Variants in PPP2R5E observed in about 807,000 individuals in gnomAD.
The protein encoded by PPP2R5E is serine/threonine-protein phosphatase 2A 56 kDa regulatory subunit epsilon isoform.
In PPP2R5E, 4 loss-of-function variants were observed where a neutral mutation model predicts 65.3. The observed-to-expected ratio is 0.06, with a 90% CI of 0.03 to 0.14. The LOEUF (loss-of-function observed/expected upper bound fraction) is 0.14, where lower values mean the gene tolerates loss of function less well. PPP2R5E is among the 10% of genes least tolerant of loss of function. The pLI, the probability that PPP2R5E is intolerant of heterozygous loss-of-function variation, is 1.00. For missense variants in PPP2R5E, 274 were observed against 556.1 expected (o/e 0.49, Z 5.10); for synonymous variants, 183 against 187.4 (o/e 0.98, Z 0.19).
intron 2 of PPP2R5E, among the ~76,000 whole-genome samples, chr14:63,522,271 A>G (rs1892948439): frequency 6.6e-6 from 1 of 152,006 alleles, no homozygotes; most frequent in Non-Finnish European, 1.5e-5. Context: ...GCTGGAGTGC[A>G]GTGGCGTGAT....
At position 63,375,875 on chromosome 14, in the gene PPP2R5E, T is replaced by A; in HGVS notation, c.*134A>T. On this transcript the variant is annotated 3_prime_UTR_variant, in exon 14 of 14. Coordinates refer to ENST00000337537, the MANE Select transcript of PPP2R5E (RefSeq NM_006246.5). Reference sequence around the variant, plus strand: ...TTTCCTTTACTTAGAGACAGGTATATACAGTGCTGCTGTAATAATGAAACA... The same window carrying A: ...TTTCCTTTACTTAGAGACAGGTATAAACAGTGCTGCTGTAATAATGAAACA... 1 of 652,790 alleles carries A rather than the reference T, an allele frequency of 1.5e-6. No individual in the cohort carries two copies. 40.4% of individuals were successfully genotyped at this position (652,790 alleles called of 1,614,324 possible). A position where few individuals can be genotyped will look rare whatever the true frequency, so the allele number is the denominator to read the frequency against.
intron 2 of PPP2R5E, among the ~76,000 whole-genome samples, chr14:63,493,443 C>A (rs1347777413): frequency 6.8e-6 from 1 of 147,334 alleles, no homozygotes; most frequent in African/African-American, 2.6e-5. Context: ...TCAAGTGTCA[C>A]AACCAGGTCT....
Position 63,516,198 on chromosome 14 carries a change from G to T in PPP2R5E, c.157+23331C>A, listed in dbSNP as rs115171600. ...CTTATGAAAGGAAAATTCCACAAGG[G>T]TGAATACATTTTCTTATCTCAACAG... On this transcript the variant is annotated intron_variant, in intron 2 of 13. Coordinates refer to ENST00000337537, the MANE Select transcript of PPP2R5E (RefSeq NM_006246.5). Among the ~76,000 whole-genome samples, 1,256 of 152,178 alleles carry T rather than the reference G, an allele frequency of 8.3e-3. 14 individuals are homozygous for T. The highest frequency in any genetic ancestry group is 0.031 in the Middle Eastern group (9 of 294).
chr14:63,505,955 A>T (rs145703998), intron 2 of PPP2R5E, among the ~76,000 whole-genome samples: 1 of 152,192 alleles, frequency 6.6e-6, no homozygotes, highest in Non-Finnish European at 1.5e-5. Context: ...AACGTTGTGT[A>T]AAGTCAGGCA....
intron 5 of PPP2R5E, among the ~76,000 whole-genome samples, chr14:63,404,547 T>C (rs926416753): frequency 6.6e-6 from 1 of 152,122 alleles, no homozygotes; most frequent in African/African-American, 2.4e-5. Flanking sequence ...ATGCACTGTA[T>C]AAAATGAAGC....
In PPP2R5E at chr14:63,382,087, G is replaced by A. The variant is rs768769396; in HGVS notation, c.1273C>T (p.Leu425=). 3 of 1,613,570 alleles carry A rather than the reference G, an allele frequency of 1.9e-6. No individual in the cohort carries two copies. The highest frequency in any genetic ancestry group is 4.5e-5 in the East Asian group (2 of 44,862). The change falls in exon 13 of 14, where the codon CTG becomes TTG. Residue 425 remains leucine (L), a synonymous_variant. Coordinates refer to ENST00000337537, the MANE Select transcript of PPP2R5E (RefSeq NM_006246.5). ...MEMNSTMFDE[L]TATYKSDRQR... ...CGATCTGACTTGTATGTGGCTGTCA[G>A]CTCGTCAAACATGGTGCTGTTCATT...
chr14:63,520,788 G>A lies in PPP2R5E; in HGVS notation c.157+18741C>T, dbSNP rs1289792936. On this transcript the variant is annotated intron_variant, in intron 2 of 13. Transcript: ENST00000337537. Reference sequence around the variant, plus strand: ...CCCAGCACTTTGGGAGGCCGAGGCGGGTGGATCACGAGGTCAGCAGATTGA... The same window carrying A: ...CCCAGCACTTTGGGAGGCCGAGGCGAGTGGATCACGAGGTCAGCAGATTGA... Among the ~76,000 whole-genome samples, 5 of 150,602 alleles carry A rather than the reference G, an allele frequency of 3.3e-5. No individual in the cohort carries two copies. In the East Asian group the frequency reaches 7.9e-4, roughly 24 times the overall value.
In PPP2R5E at chr14:63,494,346, G is replaced by C. The variant is rs1208801026; in HGVS notation, c.158-40461C>G. Among the ~76,000 whole-genome samples the C allele has an allele frequency of 1.3e-5, 2 of 151,936 alleles. 1 individual carries two copies. The highest frequency in any genetic ancestry group is 2.9e-5 in the Non-Finnish European group (2 of 67,980). On this transcript the variant is annotated intron_variant, in intron 2 of 13. Coordinates refer to ENST00000337537, the MANE Select transcript of PPP2R5E (RefSeq NM_006246.5). The stretch of plus-strand genomic sequence containing the variant: ...CCTCCTGGGTTTAAGCAATTCTCCT[G>C]CCTCAGCCTCCTGAGTAGCTGGGAT...
chr14:63,513,067 A>G (rs1422857920), intron 2 of PPP2R5E, among the ~76,000 whole-genome samples: 3 of 152,084 alleles, frequency 2.0e-5, no homozygotes, highest in Non-Finnish European at 4.4e-5. Context: ...GGGGGGAAAA[A>G]TTACCTTTTT....
At chr14:63,422,462 C>A (rs753897038) in intron 3 of PPP2R5E, among the ~76,000 whole-genome samples, 5 of 152,192 alleles carry the variant, frequency 3.3e-5, no homozygotes, top group African/African-American at 4.8e-5. Context: ...CGCAGTGGCT[C>A]ACGCCTGTAA....
intron 3 of PPP2R5E, among the ~76,000 whole-genome samples, chr14:63,427,263 T>A (rs952296808): frequency 6.6e-6 from 1 of 152,198 alleles, no homozygotes; most frequent in African/African-American, 2.4e-5. Flanking sequence ...TTAAAATATA[T>A]GAGGTTCTAG....
intron 2 of PPP2R5E, among the ~76,000 whole-genome samples, chr14:63,516,203 T>C (rs551635481): frequency 6.6e-6 from 1 of 152,316 alleles, no homozygotes; most frequent in East Asian, 1.9e-4. Context: ...CAAGGGTGAA[T>C]ACATTTTCTT....
rs931811328 is a variant in PPP2R5E, at chr14:63,391,798, T to C, written c.954+19A>G. The C allele has an allele frequency of 6.2e-7, 1 of 1,608,862 alleles. No homozygotes were observed. The highest frequency in any genetic ancestry group is 8.5e-7 in the Non-Finnish European group (1 of 1,175,256). On this transcript the variant is annotated intron_variant, in intron 10 of 13. Coordinates refer to ENST00000337537, the MANE Select transcript of PPP2R5E (RefSeq NM_006246.5). Reference sequence around the variant, plus strand: ...AATATTCAGTAAGCTATGAACACTCTCTGACAGTAAGCACTTACCTCTTTT... The same window carrying C: ...AATATTCAGTAAGCTATGAACACTCCCTGACAGTAAGCACTTACCTCTTTT...
rs1383716182 is a variant in PPP2R5E at position 63,372,038 on chromosome 14, TAAAG to T, written c.*3967_*3970del. 2 of 117,362 alleles carry T rather than the reference TAAAG, an allele frequency of 1.7e-5. No individual in the cohort carries two copies. Among genetic ancestry groups the T allele is most frequent in the Admixed American group, 9.1e-5 (1 of 10,994 alleles). The allele number at this position is 117,362 out of a possible 1,614,324, so 7.3% of individuals were successfully genotyped here. ...TTACAATAAGTGATTTCAAAAAAAG[TAAAG>T]AAAGAGGAAGGGAAGAGGGAAGGAG... On this transcript the variant is annotated 3_prime_UTR_variant, in exon 14 of 14. Transcript: ENST00000337537.
At chr14:63,528,139 GCAAA>G (rs1339193298) in intron 2 of PPP2R5E, among the ~76,000 whole-genome samples, 8 of 152,010 alleles carry the variant, frequency 5.3e-5, no homozygotes, top group African/African-American at 1.9e-4. Context: ...GTCATCACTT[GCAAA>G]CAAAAGAACT....
intron 3 of PPP2R5E, among the ~76,000 whole-genome samples, chr14:63,437,174 A>G (rs907426010): frequency 1.3e-5 from 2 of 152,240 alleles, no homozygotes; most frequent in South Asian, 4.1e-4. Flanking sequence ...AAGTTACCCT[A>G]TATGGTCTAA....
intron 3 of PPP2R5E, among the ~76,000 whole-genome samples, chr14:63,442,877 A>G (rs554958609): frequency 2.0e-5 from 3 of 152,296 alleles, no homozygotes; most frequent in East Asian, 3.9e-4. Flanking sequence ...TGGAAATTTC[A>G]TATTTCCCCC....
At chr14:63,384,054 T>A (rs1334309624) in intron 12 of PPP2R5E, among the ~76,000 whole-genome samples, 1 of 152,126 alleles carries the variant, frequency 6.6e-6, no homozygotes, top group Admixed American at 6.5e-5. Flanking sequence ...GCTTTTTACA[T>A]CTTTGTGCCT....
intron 2 of PPP2R5E, among the ~76,000 whole-genome samples, chr14:63,528,737 A>C (rs1594975309): frequency 6.6e-6 from 1 of 152,214 alleles, no homozygotes; most frequent in African/African-American, 2.4e-5. Flanking sequence ...AACTGTTTAA[A>C]TATTTATGAA....
Sources: allele counts gnomAD v4.1 joint callset (sites outside exome capture counted in the v4.1 genomes callset), GRCh38; gene constraint gnomAD v4.1.1; transcripts MANE v1.5; gene names NCBI Gene and HGNC (gene_info 2026-07-23, HGNC 2026-07-21).